The following SAMD3 variants were observed in gnomAD, a reference collection of about 807,000 sequenced individuals.
SAMD3 encodes the protein sterile alpha motif domain-containing protein 3.
A neutral mutation model predicts 58.5 loss-of-function variants in SAMD3; 63 were observed. The ratio of observed to expected loss-of-function variants is 1.08; its 90% confidence interval spans 0.88 to 1.33. The LOEUF is 1.33. Among genes scored for constraint, SAMD3 ranks in the 40% most tolerant of loss-of-function variants. The pLI, the probability that SAMD3 is intolerant of heterozygous loss-of-function variation, is 0.00. For synonymous variants in SAMD3, 220 were observed against 210.3 expected (o/e 1.05, Z -0.40); for missense variants, 604 against 608.4 (o/e 0.99, Z 0.08).
intron 2 of SAMD3, among the ~76,000 whole-genome samples, chr6:130,247,917 GT>G (rs1773607542): frequency 6.6e-6 from 1 of 152,100 alleles, no homozygotes; most frequent in Admixed American, 6.5e-5. Flanking sequence ...GTGTGTTTCT[GT>G]TTCTGCTTGC....
chr6:130,330,744 T>G (rs1005471326), intron 1 of SAMD3, among the ~76,000 whole-genome samples: 5 of 152,028 alleles, frequency 3.3e-5, no homozygotes, highest in Non-Finnish European at 7.4e-5. Flanking sequence ...GTTTTTCTTC[T>G]GATGAGCTGA....
chr6:130,234,053 A>G (rs1278175544), intron 2 of SAMD3, among the ~76,000 whole-genome samples: 1 of 152,178 alleles, frequency 6.6e-6, no homozygotes, highest in East Asian at 1.9e-4. Context: ...TGCCCTCCAT[A>G]GGGATTTATC....
chr6:130,191,980 C>T lies in SAMD3; in HGVS notation c.384-7357G>A, dbSNP rs1265437589. Among the ~76,000 whole-genome samples the T allele has an allele frequency of 2.0e-5, 3 of 152,108 alleles. No homozygotes were observed. The East Asian group carries it at 5.8e-4, about 29-fold the overall frequency. ...CGCTTACTTTGTTGCCCTCAGTTGC[C>T]CTCATTCTTCTAGGTTTATCTCAAG... On this transcript the variant is annotated intron_variant, in intron 5 of 11. Transcript: ENST00000439090.
At chr6:130,290,822 C>T (rs1422551205) in intron 2 of SAMD3, among the ~76,000 whole-genome samples, 2 of 152,040 alleles carry the variant, frequency 1.3e-5, no homozygotes, top group African/African-American at 4.8e-5. Context: ...TAAACAAAAG[C>T]CATTATTATT....
chr6:130,282,296 T>A (rs1194559844), intron 2 of SAMD3, among the ~76,000 whole-genome samples: 1 of 152,118 alleles, frequency 6.6e-6, no homozygotes, highest in African/African-American at 2.4e-5. Context: ...CTTAAGGAGA[T>A]AACAAACAGA....
rs561371474 is a variant in SAMD3, at chr6:130,280,978, T to C, written c.-188+32000A>G. Among the ~76,000 whole-genome samples the C allele has an allele frequency of 2.6e-5, 4 of 152,360 alleles. No homozygotes were observed. In the South Asian group the frequency reaches 8.3e-4, roughly 32 times the overall value. On this transcript the variant is annotated intron_variant, in intron 2 of 13. Transcript: ENST00000368134. Reference sequence around the variant, plus strand: ...ACCATGGATAGTATTGAACTTTCTATATACTATGTTTCTTTCCTACACATA... The same window carrying C: ...ACCATGGATAGTATTGAACTTTCTACATACTATGTTTCTTTCCTACACATA...
At chr6:130,186,639 C>G (rs758308342) in intron 5 of SAMD3, among the ~76,000 whole-genome samples, 1 of 152,116 alleles carries the variant, frequency 6.6e-6, no homozygotes, top group Non-Finnish European at 1.5e-5. Context: ...TCACAATCCT[C>G]ATTTTCTTCC....
At chr6:130,167,781 A>G (rs969728237) in intron 8 of SAMD3, among the ~76,000 whole-genome samples, 2 of 152,196 alleles carry the variant, frequency 1.3e-5, no homozygotes, top group East Asian at 3.8e-4. Context: ...ATGCAGCCAC[A>G]TGAGGTCTTG....
chr6:130,319,504 A>G (rs568078868), intron 1 of SAMD3, among the ~76,000 whole-genome samples: 96 of 152,300 alleles, frequency 6.3e-4, no homozygotes, highest in African/African-American at 2.2e-3. Flanking sequence ...TAAATACTGA[A>G]AAAACAAAAA....
At chr6:130,365,469 C>T, upstream of SAMD3, 1 of 985,440 alleles carries the variant, frequency 1.0e-6, no homozygotes, top group Non-Finnish European at 1.2e-6. Flanking sequence ...GCGCAGCCCG[C>T]CAGGGGGACC....
At chr6:130,143,234 C>CTTTCT (rs1788365331), downstream of SAMD3, 1 of 151,982 alleles carries the variant, frequency 6.6e-6, no homozygotes, top group Non-Finnish European at 1.5e-5. Flanking sequence ...TTGCATGAAC[C>CTTTCT]TTTCTTTTGT....
At chr6:130,315,478 C>T (rs1776331190) in intron 1 of SAMD3, among the ~76,000 whole-genome samples, 1 of 152,118 alleles carries the variant, frequency 6.6e-6, no homozygotes, top group Admixed American at 6.5e-5. Context: ...TAATATGTGC[C>T]TCTTTCCCAA....
At chr6:130,196,917 C>CAA (rs1794179248) in intron 5 of SAMD3, among the ~76,000 whole-genome samples, 2 of 138,456 alleles carry the variant, frequency 1.4e-5, no homozygotes, top group East Asian at 2.0e-4. Context: ...TCCCACCTCT[C>CAA]TACAGTCTGA....
chr6:130,185,602 C>T (rs1214839048), intron 5 of SAMD3, among the ~76,000 whole-genome samples: 11 of 151,224 alleles, frequency 7.3e-5, no homozygotes, highest in African/African-American at 2.4e-4. Flanking sequence ...GCTGGGACTA[C>T]AGGCCTGAGC....
rs115250593 is a variant in SAMD3, at chr6:130,302,799, G to A, written c.-188+10179C>T. 4.1e-3 allele frequency among the ~76,000 whole-genome samples: 621 copies of A among 152,222 alleles called. 5 individuals are homozygous for A. The highest frequency in any genetic ancestry group is 0.014 in the African/African-American group (577 of 41,530). ...TGCAGTAACATAGATGCAGCCAGAGGCCTAAGTGAACTAATGCACAAACAG... is the reference window on the plus strand; with the variant it reads ...TGCAGTAACATAGATGCAGCCAGAGACCTAAGTGAACTAATGCACAAACAG... On this transcript the variant is annotated intron_variant, in intron 2 of 13. Coordinates refer to the SAMD3 transcript ENST00000368134.
At chr6:130,339,420 A>G (rs1222163390) in intron 1 of SAMD3, among the ~76,000 whole-genome samples, 3 of 152,132 alleles carry the variant, frequency 2.0e-5, no homozygotes, top group Non-Finnish European at 4.4e-5. Context: ...AGATGATTGG[A>G]TCATAGGGGT....
chr6:130,291,857 T>TA (rs1775373233), intron 2 of SAMD3, among the ~76,000 whole-genome samples: 1 of 152,204 alleles, frequency 6.6e-6, no homozygotes. Flanking sequence ...CCAATTTCGT[T>TA]AGAGTCACAG....
chr6:130,278,662 G>A lies in SAMD3; in HGVS notation c.-188+34316C>T, dbSNP rs1209235668. Among the ~76,000 whole-genome samples, 4 of 152,156 alleles carry A rather than the reference G, an allele frequency of 2.6e-5. No homozygotes were observed. In the East Asian group the frequency reaches 7.7e-4, roughly 29 times the overall value. On this transcript the variant is annotated intron_variant, in intron 2 of 13. Transcript: ENST00000368134. ...ACAACTGGCACAGTGGAGGAAGGGT[G>A]AAACTGGAAAATAAGGCTTTTCATT...
chr6:130,188,827 CTTGT>C (rs1466749581), intron 5 of SAMD3, among the ~76,000 whole-genome samples: 2 of 152,162 alleles, frequency 1.3e-5, no homozygotes, highest in Non-Finnish European at 2.9e-5. Flanking sequence ...TCTCTGACAA[CTTGT>C]TTATTTGCTG....
Sources: gnomAD v4.1 joint callset for allele counts (sites outside exome capture counted in the v4.1 genomes callset) on GRCh38, gnomAD v4.1.1 for gene constraint, MANE v1.5 for transcripts, NCBI Gene and HGNC (gene_info 2026-07-23, HGNC 2026-07-21) for gene names.